Variants in CCP110 observed in about 807,000 individuals in gnomAD.
CCP110 encodes centriolar coiled-coil protein of 110 kDa.
In CCP110, 43 loss-of-function variants were observed where a neutral mutation model predicts 105.5. The ratio of observed to expected loss-of-function variants is 0.41; its 90% confidence interval spans 0.32 to 0.53. The LOEUF (loss-of-function observed/expected upper bound fraction) is 0.53. Ranked by LOEUF, CCP110 falls within the 20% of genes least tolerant of loss-of-function variation. The pLI is 0.32. For synonymous variants in CCP110, 353 were observed against 392.1 expected (o/e 0.90, Z 1.18); for missense variants, 1,016 against 1,189.1 (o/e 0.85, Z 2.14).
At chr16:19,528,068 C>T (rs767568217) in intron 2 of CCP110, 46 bp downstream of exon 2, 8 of 1,491,406 alleles carry the variant, frequency 5.4e-6, no homozygotes, top group Admixed American at 2.1e-5. Context: ...TAGTGAACAA[C>T]TAAAACAGTT....
At chr16:19,538,209 C>A (rs1266747623) in intron 4 of CCP110, among the ~76,000 whole-genome samples, 2 of 151,592 alleles carry the variant, frequency 1.3e-5, no homozygotes, top group Non-Finnish European at 2.9e-5. Flanking sequence ...AGGCGTGAGC[C>A]ATCATGCCTG....
chr16:19,550,441 C>T (rs1970600302), intron 14 of CCP110, among the ~76,000 whole-genome samples: 1 of 152,206 alleles, frequency 6.6e-6, no homozygotes, highest in African/African-American at 2.4e-5. Context: ...GTGTAAGCCA[C>T]CGCGTCCAGC....
chr16:19,527,988 T>C (rs1969733788), exon 2 of CCP110: 3 of 1,613,450 alleles, frequency 1.9e-6, no homozygotes, highest in Non-Finnish European at 2.5e-6. Flanking sequence ...ATCTCACTTA[T>C]TCGCTTTCAT....
At chr16:19,553,381 C>T (rs1394960193) in exon 15 of CCP110, 1 of 152,072 alleles carries the variant, frequency 6.6e-6, no homozygotes, top group Non-Finnish European at 1.5e-5. Context: ...AGGCAAAAAG[C>T]AAAATAAACT....
rs1164690143 is a variant in CCP110, at chr16:19,538,302, C to CTTTTTTTTTTTTTTTTTT, written c.1918+726_1918+743dup. Among the ~76,000 whole-genome samples the CTTTTTTTTTTTTTTTTTT allele has an allele frequency of 7.2e-5, 4 of 55,244 alleles. 1 individual carries two copies. Among genetic ancestry groups the CTTTTTTTTTTTTTTTTTT allele is most frequent in the African/African-American group, 3.6e-4 (4 of 11,086 alleles). 36.2% of individuals were successfully genotyped at this position (55,244 alleles called of 152,430 possible). A position where few individuals can be genotyped will look rare whatever the true frequency, so the allele number is the denominator to read the frequency against. Reference sequence around the variant, plus strand: ...ATATTAATAATTGGAGGAAACAGTTCTTTTTTTTTTTTTTTTTTTTTTTTT... The same window carrying CTTTTTTTTTTTTTTTTTT: ...ATATTAATAATTGGAGGAAACAGTTCTTTTTTTTTTTTTTTTTTTTTTTTTTTTTTTTTTTTTTTTTTT... On this transcript the variant is annotated intron_variant, in intron 4 of 14. Transcript: ENST00000381396.
intron 12 of CCP110, chr16:19,547,217 C>T (rs943211892): frequency 5.9e-5 from 9 of 151,980 alleles, no homozygotes; most frequent in Non-Finnish European, 1.3e-4. Context: ...CCAGCCTGGC[C>T]AAGATGGTGA....
intron 3 of CCP110, among the ~76,000 whole-genome samples, chr16:19,534,036 A>C (rs934116448): frequency 2.6e-5 from 4 of 152,206 alleles, no homozygotes; most frequent in Non-Finnish European, 4.4e-5. Flanking sequence ...GGTAGTATTA[A>C]GAGAATTGTT....
intron 14 of CCP110, 46 bp from the exon 14 acceptor site, chr16:19,551,150 G>A: frequency 8.7e-7 from 1 of 1,144,650 alleles, no homozygotes; most frequent in Non-Finnish European, 1.3e-6. Context: ...TATCATTATA[G>A]AAAACCTCCC....
At chr16:19,528,094 GA>G (rs1567347176) in intron 2 of CCP110, 72 bp downstream of exon 2, 2 of 1,290,186 alleles carry the variant, frequency 1.6e-6, no homozygotes, top group East Asian at 4.8e-5. Context: ...AAAAACAAAA[GA>G]AAGGCTTATA....
At chr16:19,527,938 A>G (rs768249540) in exon 2 of CCP110, 3 of 1,613,668 alleles carry the variant, frequency 1.9e-6, no homozygotes, top group South Asian at 2.2e-5. Flanking sequence ...AAGAAGCATC[A>G]CTATCCACAG....
At chr16:19,551,258 A>T in exon 15 of CCP110, 18 of 1,606,840 alleles carry the variant, frequency 1.1e-5, no homozygotes, top group Non-Finnish European at 1.5e-5. Context: ...AGAAGACAAC[A>T]TTCATTAGGA....
chr16:19,544,412 G>A (rs1970393197), intron 8 of CCP110, among the ~76,000 whole-genome samples: 2 of 152,110 alleles, frequency 1.3e-5, no homozygotes, highest in South Asian at 4.1e-4. Context: ...TGGATTCAAC[G>A]AACCATGGAT....
exon 3 of CCP110, chr16:19,532,473 G>A (rs1003764439): frequency 1.9e-6 from 3 of 1,610,632 alleles, no homozygotes; most frequent in African/African-American, 1.3e-5. Flanking sequence ...ACTTGATGTA[G>A]AAGCAAGAAA....
chr16:19,530,678 C>G (rs1821912), intron 2 of CCP110, among the ~76,000 whole-genome samples: 55,372 of 149,648 alleles, frequency 0.37, 11,657 homozygotes, highest in East Asian at 0.57. Flanking sequence ...GTGAGACCCT[C>G]TCTCAAAAAA....
At chr16:19,551,164 G>A in intron 14 of CCP110, 32 bp from the exon 14 acceptor site, 3 of 1,391,312 alleles carry the variant, frequency 2.2e-6, no homozygotes, top group Non-Finnish European at 3.1e-6. Context: ...ACCTCCCATT[G>A]AGAAGTAATA....
Position 19,548,410 on chromosome 16 carries a change from C to A in CCP110, c.2901-105C>A. On this transcript the variant is annotated intron_variant, in intron 13 of 14. Transcript: ENST00000381396. The surrounding 1 kb of genome is among the most constrained non-coding windows in gnomAD (Gnocchi z 4.1). ...GCATGAGACTTCAGTTCTTTTCAAG[C>A]TTATTTGTGCTTTGGACAGTTGATG... 1.4e-6 allele frequency: 1 copy of A among 730,730 alleles called. No homozygotes were observed. The highest frequency in any genetic ancestry group is 2.2e-6 in the Non-Finnish European group (1 of 448,488). 45.3% of individuals were successfully genotyped at this position (730,730 alleles called of 1,614,324 possible).
intron 8 of CCP110, among the ~76,000 whole-genome samples, chr16:19,543,562 C>T (rs576301948): frequency 7.8e-4 from 118 of 152,212 alleles, no homozygotes; most frequent in Non-Finnish European, 1.2e-3. Flanking sequence ...TGACTGCCTG[C>T]GAGGTCGGGC....
exon 9 of CCP110, chr16:19,544,882 A>G (rs1181727149): frequency 6.3e-7 from 1 of 1,582,082 alleles, no homozygotes; most frequent in Non-Finnish European, 8.7e-7. Context: ...TCACTTCAGG[A>G]AAGAGTGTTA....
intron 4 of CCP110, among the ~76,000 whole-genome samples, chr16:19,539,802 C>CT (rs1163681897): frequency 0.011 from 1,529 of 141,336 alleles, 9 homozygotes; most frequent in Non-Finnish European, 0.014. Flanking sequence ...GTGGAAATTT[C>CT]TTTTTTTTTT....
Sources: allele counts gnomAD v4.1 joint callset (sites outside exome capture counted in the v4.1 genomes callset), GRCh38; gene constraint gnomAD v4.1.1; non-coding constraint Gnocchi (gnomAD v3.1); transcripts MANE v1.5; gene names NCBI Gene and HGNC (gene_info 2026-07-23, HGNC 2026-07-21).